Variants in PID1 observed in about 807,000 individuals in gnomAD.
The protein encoded by PID1 is PTB-containing, cubilin and LRP1-interacting protein.
In PID1, 10 loss-of-function variants were observed where a neutral mutation model predicts 19.1. The ratio of observed to expected loss-of-function variants is 0.52; its 90% CI spans 0.32 to 0.89. The LOEUF is 0.89. Ranked by LOEUF, PID1 falls within the 40% of genes least tolerant of loss-of-function variation. PID1 has a pLI of 0.03. For missense variants in PID1, 248 were observed against 285.3 expected (o/e 0.87, Z 0.94); for synonymous variants, 130 against 116.0 (o/e 1.12, Z -0.78).
At chr2:229,270,950 C>T (rs1690720194) in intron 1 of PID1, 64 bp downstream of exon 1, 1 of 1,441,406 alleles carries the variant, frequency 6.9e-7, no homozygotes, top group African/African-American at 1.5e-5. Flanking sequence ...GAAGCAAAAA[C>T]TAGGTTCCTC....
At chr2:229,089,004 G>C (rs12989886) in intron 2 of PID1, among the ~76,000 whole-genome samples, 21,125 of 152,104 alleles carry the variant, frequency 0.14, 2,400 homozygotes, top group African/African-American at 0.31. Flanking sequence ...CTCTCCTACT[G>C]AAAGCCTGTT....
chr2:229,230,857 T>C (rs1692190585), intron 1 of PID1, among the ~76,000 whole-genome samples: 1 of 152,164 alleles, frequency 6.6e-6, no homozygotes, highest in Non-Finnish European at 1.5e-5. Context: ...AAACACAATA[T>C]AAAATATAGA....
intron 1 of PID1, among the ~76,000 whole-genome samples, chr2:229,179,249 C>T (rs1028564808): frequency 1.7e-4 from 26 of 152,244 alleles, no homozygotes; most frequent in African/African-American, 5.8e-4. Context: ...GGCCAGTCCT[C>T]GCAGACAGAG....
chr2:229,172,453 T>G (rs1361703751), intron 1 of PID1, among the ~76,000 whole-genome samples: 1 of 152,216 alleles, frequency 6.6e-6, no homozygotes, highest in Admixed American at 6.5e-5. Flanking sequence ...TGGCTTCTGG[T>G]GCTGCTGGCA....
chr2:229,150,163 G>A (rs1339693831), intron 2 of PID1, among the ~76,000 whole-genome samples: 1 of 150,568 alleles, frequency 6.6e-6, no homozygotes, highest in Non-Finnish European at 1.5e-5. Context: ...GAACCTGGGA[G>A]GTGGAAAGGT....
chr2:229,124,075 C>T (rs913749271), intron 2 of PID1, among the ~76,000 whole-genome samples: 31 of 152,038 alleles, frequency 2.0e-4, no homozygotes, highest in East Asian at 1.3e-3. Flanking sequence ...GAAGGCAGCA[C>T]GAGAGACCTT....
intron 2 of PID1, among the ~76,000 whole-genome samples, chr2:229,095,692 A>C (rs1694959603): frequency 1.3e-5 from 2 of 152,204 alleles, no homozygotes; most frequent in Admixed American, 1.3e-4. Flanking sequence ...CACACAGCAT[A>C]ACATGATCAT....
chr2:229,028,814 G>A (rs1215403178), intron 2 of PID1, among the ~76,000 whole-genome samples: 4 of 152,296 alleles, frequency 2.6e-5, no homozygotes, highest in Admixed American at 2.6e-4. Flanking sequence ...ATGCGCTAAT[G>A]AGCGTATTAT....
intron 2 of PID1, among the ~76,000 whole-genome samples, chr2:229,063,670 T>C (rs956497668): frequency 1.3e-5 from 2 of 152,090 alleles, no homozygotes; most frequent in African/African-American, 2.4e-5. Flanking sequence ...AAATCCACTG[T>C]TTCCCTGTTG....
intron 2 of PID1, among the ~76,000 whole-genome samples, chr2:229,085,509 A>G (rs1327143647): frequency 6.6e-6 from 1 of 152,198 alleles, no homozygotes; most frequent in Non-Finnish European, 1.5e-5. Context: ...TGGCTGGCTA[A>G]TTAATTGTGA....
rs1559251963 is a variant in PID1 at position 229,139,147 on chromosome 2, A to AGCGAGCG, written c.177+16670_177+16671insCGCTCGC. Among the ~76,000 whole-genome samples, 5 of 127,238 alleles carry AGCGAGCG rather than the reference A, an allele frequency of 3.9e-5. 1 individual carries two copies. Among genetic ancestry groups the AGCGAGCG allele is most frequent in the African/African-American group, 1.5e-4 (5 of 32,326 alleles). 83.5% of individuals were successfully genotyped at this position (127,238 alleles called of 152,430 possible). A position where few individuals can be genotyped will look rare whatever the true frequency, so the allele number is the denominator to read the frequency against. ...AAAGAAAGAAAGAAAGAAAGAAAGAAAGCAAGCGAGCGAGCAAGCGAGCTT... is the reference window on the plus strand; with the variant it reads ...AAAGAAAGAAAGAAAGAAAGAAAGAAGCGAGCGAGCAAGCGAGCGAGCAAGCGAGCTT... On this transcript the variant is annotated intron_variant, in intron 2 of 2. Coordinates refer to ENST00000392055, the MANE Select transcript of PID1 (RefSeq NM_001100818.2).
chr2:229,159,460 C>T (rs1690449530), intron 1 of PID1, among the ~76,000 whole-genome samples: 2 of 152,134 alleles, frequency 1.3e-5, no homozygotes, highest in Admixed American at 6.5e-5. Flanking sequence ...GTTCAAAGAC[C>T]TTAAGAGGCA....
At position 229,230,286 on chromosome 2, in the gene PID1, GA is replaced by G. The variant is rs1350104328; in HGVS notation, c.30+40727del. 1.4e-4 allele frequency among the ~76,000 whole-genome samples: 22 copies of G among 151,846 alleles called. No homozygotes were observed. The South Asian group carries it at 2.7e-3, about 19-fold the overall frequency. On this transcript the variant is annotated intron_variant, in intron 1 of 2. Transcript: ENST00000392055. ...CCATATTGCACTTCACCATTAGAAA[GA>G]AAGAAACGAGAGAGAAAGAAAGAGA...
At chr2:229,107,385 A>G (rs1431251280) in intron 2 of PID1, among the ~76,000 whole-genome samples, 2 of 152,054 alleles carry the variant, frequency 1.3e-5, no homozygotes, top group Non-Finnish European at 2.9e-5. Context: ...TCTTCACTCA[A>G]TGGGAATAGG....
intron 1 of PID1, among the ~76,000 whole-genome samples, chr2:229,233,124 T>A (rs1692250364): frequency 6.6e-6 from 1 of 152,124 alleles, no homozygotes; most frequent in Non-Finnish European, 1.5e-5. Flanking sequence ...ATAAATCACA[T>A]AAATTCCTTA....
intron 2 of PID1, among the ~76,000 whole-genome samples, chr2:229,109,057 T>C (rs1015843036): frequency 4.6e-5 from 7 of 152,200 alleles, no homozygotes; most frequent in African/African-American, 1.4e-4. Context: ...ATCAAAGCTC[T>C]AGAAATGAAA....
intron 1 of PID1, among the ~76,000 whole-genome samples, chr2:229,267,454 T>C (rs1392498934): frequency 7.9e-5 from 12 of 152,210 alleles, no homozygotes. Context: ...GAATGCCTCA[T>C]GAGAAGATGG....
At chr2:229,140,388 C>G (rs371631325) in intron 2 of PID1, among the ~76,000 whole-genome samples, 1 of 152,052 alleles carries the variant, frequency 6.6e-6, no homozygotes, top group African/African-American at 2.4e-5. Flanking sequence ...AGTCCACATT[C>G]GCTCACTGCA....
intron 2 of PID1, among the ~76,000 whole-genome samples, chr2:229,030,016 T>C (rs1036363310): frequency 6.6e-6 from 1 of 152,156 alleles, no homozygotes; most frequent in Non-Finnish European, 1.5e-5. Flanking sequence ...CGTTGATAGA[T>C]GAATGAATAA....
Sources: gnomAD v4.1 joint callset for allele counts (sites outside exome capture counted in the v4.1 genomes callset) on GRCh38, gnomAD v4.1.1 for gene constraint, MANE v1.5 for transcripts, NCBI Gene and HGNC (gene_info 2026-07-23, HGNC 2026-07-21) for gene names.